Variants in TMEM266 observed in about 807,000 individuals in gnomAD.
The protein encoded by TMEM266 is transmembrane protein 266.
In TMEM266, 33 loss-of-function variants were observed where a neutral mutation model predicts 50.5. That is an observed-to-expected ratio of 0.65 (90% CI 0.50 to 0.87). The LOEUF is 0.87. TMEM266 is among the 40% of genes least tolerant of loss of function. The pLI is 0.00. For missense variants in TMEM266, 655 were observed against 695.1 expected (o/e 0.94, Z 0.65); for synonymous variants, 310 against 292.3 (o/e 1.06, Z -0.62).
At chr15:76,096,837 A>G (rs1456770499) in intron 1 of TMEM266, among the ~76,000 whole-genome samples, 3 of 151,404 alleles carry the variant, frequency 2.0e-5, no homozygotes, top group African/African-American at 7.3e-5. Context: ...TTCTTGCTGC[A>G]TTGATCCCTT....
At chr15:76,111,143 C>T (rs1330717079) in intron 1 of TMEM266, among the ~76,000 whole-genome samples, 7 of 151,406 alleles carry the variant, frequency 4.6e-5, no homozygotes, top group Admixed American at 1.3e-4. Context: ...TGCAATGGCA[C>T]GGTCTCGGCT....
At chr15:76,184,564 G>A (rs1185559264) in intron 8 of TMEM266, among the ~76,000 whole-genome samples, 2 of 152,264 alleles carry the variant, frequency 1.3e-5, no homozygotes, top group African/African-American at 4.8e-5. Context: ...AGGGCAGCCT[G>A]TGCAGACAGC....
intron 8 of TMEM266, among the ~76,000 whole-genome samples, chr15:76,183,107 T>C (rs1009827875): frequency 7.4e-4 from 41 of 55,372 alleles, no homozygotes; most frequent in African/African-American, 2.6e-3. Flanking sequence ...TTGTGGCTTT[T>C]TTTTTTTTTT....
chr15:76,154,159 G>A (rs889507300), intron 3 of TMEM266, among the ~76,000 whole-genome samples: 10 of 152,160 alleles, frequency 6.6e-5, no homozygotes, highest in Admixed American at 1.3e-4. Flanking sequence ...AAGAATACAC[G>A]ATTCCCAGTT....
rs71140194 is a variant in TMEM266 at position 76,075,837 on chromosome 15, C to CTTTTTTTTT, written c.-97+15850_-97+15858dup. Among the ~76,000 whole-genome samples the CTTTTTTTTT allele has an allele frequency of 6.8e-4, 16 of 23,596 alleles. 6 individuals carry two copies. Among genetic ancestry groups the CTTTTTTTTT allele is most frequent in the Non-Finnish European group, 1.3e-3 (14 of 11,154 alleles). The allele number at this position is 23,596 out of a possible 152,430, so 15.5% of individuals were successfully genotyped here. On this transcript the variant is annotated intron_variant, in intron 1 of 10. Coordinates refer to ENST00000388942, the MANE Select transcript of TMEM266 (RefSeq NM_152335.3). ...CTGGAGGAGAATGAAGAGAAGGCAG[C>CTTTTTTTTT]TTTTTTTTTTTTTTTTTTTTTTTTT...
At chr15:76,127,161 C>A (rs1244741096) in intron 1 of TMEM266, among the ~76,000 whole-genome samples, 3 of 152,054 alleles carry the variant, frequency 2.0e-5, no homozygotes, top group African/African-American at 7.2e-5. Flanking sequence ...ATGTTAATTA[C>A]CTTGATTGTG....
chr15:76,194,735 G>A (rs1367097092), intron 9 of TMEM266, among the ~76,000 whole-genome samples: 2 of 152,160 alleles, frequency 1.3e-5, no homozygotes, highest in Non-Finnish European at 2.9e-5. Context: ...GCCTTCATCT[G>A]CACATGGCGT....
At chr15:76,076,099 C>T (rs1041037027) in intron 1 of TMEM266, among the ~76,000 whole-genome samples, 2 of 151,734 alleles carry the variant, frequency 1.3e-5, no homozygotes, top group African/African-American at 4.9e-5. Context: ...CTCAAGTGAT[C>T]CTCCTGTCTA....
chr15:76,204,236 C>T lies in TMEM266; in HGVS notation c.1517C>T (p.Pro506Leu). The T allele has an allele frequency of 1.2e-6, 2 of 1,614,008 alleles. No homozygotes were observed. Among genetic ancestry groups the T allele is most frequent in the South Asian group, 1.1e-5 (1 of 91,076 alleles). The change falls in exon 11 of 11, where the codon CCC becomes CTC. Residue 506 changes from proline to leucine, a missense_variant. Transcript: ENST00000388942. ...ATCAGGCCTGTCATCCACTTCCAGC[C>T]CACTGTGCCCATGCTGGAGGACAAG...
chr15:76,096,938 T>TTTC (rs887341398), intron 1 of TMEM266, among the ~76,000 whole-genome samples: 5 of 151,352 alleles, frequency 3.3e-5, no homozygotes, highest in African/African-American at 9.7e-5. Flanking sequence ...CCTGATTTTT[T>TTTC]TTTTTTTTTT....
At chr15:76,185,971 A>G (rs1357863562) in intron 8 of TMEM266, among the ~76,000 whole-genome samples, 1 of 152,168 alleles carries the variant, frequency 6.6e-6, no homozygotes, top group East Asian at 1.9e-4. Flanking sequence ...AGGGCAAGGG[A>G]GGGGTGATGG....
chr15:76,138,443 T>C (rs1192375958), intron 3 of TMEM266, among the ~76,000 whole-genome samples: 1 of 152,142 alleles, frequency 6.6e-6, no homozygotes, highest in Admixed American at 6.5e-5. Flanking sequence ...AAATTTATTT[T>C]AGGACCGAGG....
chr15:76,162,168 G>C (rs1235363620), intron 5 of TMEM266, among the ~76,000 whole-genome samples: 1 of 152,168 alleles, frequency 6.6e-6, no homozygotes, highest in Non-Finnish European at 1.5e-5. Flanking sequence ...AGACTGGGGA[G>C]GAAGGGCTGG....
chr15:76,169,745 G>A, intron 5 of TMEM266, 71 bp from the exon 6 acceptor site: 1 of 1,490,786 alleles, frequency 6.7e-7, no homozygotes, highest in East Asian at 2.3e-5. Flanking sequence ...AGCTCTGAGT[G>A]CTGAGCTCTG....
intron 8 of TMEM266, among the ~76,000 whole-genome samples, chr15:76,178,385 G>A (rs894173930): frequency 2.0e-5 from 3 of 152,154 alleles, no homozygotes; most frequent in Non-Finnish European, 4.4e-5. Context: ...ACTGGAAGCC[G>A]ATCAGGCAGT....
chr15:76,116,524 A>G (rs956089414), intron 1 of TMEM266, among the ~76,000 whole-genome samples: 1 of 151,568 alleles, frequency 6.6e-6, no homozygotes, highest in Non-Finnish European at 1.5e-5. Context: ...CTCCTCACTA[A>G]TGAATCTCTA....
chr15:76,197,327 C>T (rs766740169), intron 9 of TMEM266, among the ~76,000 whole-genome samples: 2 of 152,232 alleles, frequency 1.3e-5, no homozygotes, highest in Non-Finnish European at 2.9e-5. Flanking sequence ...GGGTTTAGAA[C>T]TGAGGTCTGG....
chr15:76,108,759 G>C (rs1392832530), intron 1 of TMEM266, among the ~76,000 whole-genome samples: 2 of 152,160 alleles, frequency 1.3e-5, no homozygotes, highest in East Asian at 3.9e-4. Flanking sequence ...TGGGTATCCA[G>C]GCTCATGTTT....
At chr15:76,199,015 C>T (rs62030186) in intron 9 of TMEM266, among the ~76,000 whole-genome samples, 10,369 of 111,852 alleles carry the variant, frequency 0.093, 420 homozygotes, top group Middle Eastern at 0.13. Context: ...AGGCACATCC[C>T]GGGAGCAAGT....
Sources: allele counts gnomAD v4.1 joint callset (sites outside exome capture counted in the v4.1 genomes callset), GRCh38; gene constraint gnomAD v4.1.1; transcripts MANE v1.5; gene names NCBI Gene and HGNC (gene_info 2026-07-23, HGNC 2026-07-21).